Variants in PCDH9 observed in about 807,000 individuals in gnomAD.
PCDH9 encodes protocadherin 9.
Under a neutral mutation model 70.6 loss-of-function variants are expected in PCDH9, and 24 were observed. The observed-to-expected ratio is 0.34, with a 90% CI of 0.25 to 0.48. The LOEUF (loss-of-function observed/expected upper bound fraction) is 0.48. Among genes scored for constraint, PCDH9 ranks in the 20% least tolerant of loss-of-function variants. PCDH9 has a pLI of 0.99. For synonymous variants in PCDH9, 562 were observed against 558.5 expected (o/e 1.01, Z -0.09); for missense variants, 1,281 against 1,503.6 (o/e 0.85, Z 2.45).
intron 2 of PCDH9, among the ~76,000 whole-genome samples, chr13:67,039,991 G>GAAAA: frequency 6.7e-6 from 1 of 149,258 alleles, no homozygotes. Context: ...GGTTGGTGTG[G>GAAAA]AAAAAAGAAA....
intron 4 of PCDH9, among the ~76,000 whole-genome samples, chr13:66,610,024 C>T (rs2077273064): frequency 7.2e-6 from 1 of 139,754 alleles, no homozygotes; most frequent in African/African-American, 2.7e-5. Context: ...GTGGCGAGAT[C>T]TCGGCTCACT....
chr13:67,121,593 G>A (rs1024670654), intron 2 of PCDH9, among the ~76,000 whole-genome samples: 7 of 152,158 alleles, frequency 4.6e-5, no homozygotes, highest in East Asian at 1.9e-4. Context: ...CAGGAATCTC[G>A]AGAGAATGCT....
intron 2 of PCDH9, among the ~76,000 whole-genome samples, chr13:66,945,464 A>G (rs2083073429): frequency 6.6e-6 from 1 of 152,180 alleles, no homozygotes; most frequent in Admixed American, 6.5e-5. Flanking sequence ...TAGAAGGGTA[A>G]AAGGGAAGCA....
chr13:66,388,137 CCACT>C (rs1309338387), intron 4 of PCDH9, among the ~76,000 whole-genome samples: 2 of 152,068 alleles, frequency 1.3e-5, no homozygotes, highest in Non-Finnish European at 2.9e-5. Context: ...TTATCCATGA[CCACT>C]CAAAGTAAAG....
intron 2 of PCDH9, chr13:67,210,449 T>C (rs1019906303): frequency 1.1e-4 from 16 of 152,050 alleles, no homozygotes; most frequent in Non-Finnish European, 1.2e-4. Flanking sequence ...GTGATTTATT[T>C]TGTAATTGTT....
chr13:66,622,185 C>T (rs375324300), intron 4 of PCDH9, among the ~76,000 whole-genome samples: 13 of 152,240 alleles, frequency 8.5e-5, no homozygotes, highest in South Asian at 4.1e-4. Flanking sequence ...TGCCTCCCTG[C>T]GGGACAGGGC....
intron 4 of PCDH9, among the ~76,000 whole-genome samples, chr13:66,467,533 G>A (rs1958539199): frequency 1.3e-5 from 2 of 151,994 alleles, no homozygotes; most frequent in Non-Finnish European, 2.9e-5. Context: ...TTACATCAGT[G>A]TGCATATCCT....
rs995091575 is a variant in PCDH9 at position 66,774,931 on chromosome 13, T to G, written c.3138+128573A>C. On this transcript the variant is annotated intron_variant, in intron 3 of 4. Transcript: ENST00000377865. Reference sequence around the variant, plus strand: ...CATTTTACCCACTAGCTTGTTACTTTTCTTCATTTGATTTAATTTGGATAT... The same window carrying G: ...CATTTTACCCACTAGCTTGTTACTTGTCTTCATTTGATTTAATTTGGATAT... Among the ~76,000 whole-genome samples, 8 of 152,340 alleles carry G rather than the reference T, an allele frequency of 5.3e-5. No homozygotes were observed. The East Asian group carries it at 1.5e-3, about 29-fold the overall frequency.
chr13:66,422,737 CT>C (rs1189174314), intron 4 of PCDH9, among the ~76,000 whole-genome samples: 1 of 151,752 alleles, frequency 6.6e-6, no homozygotes, highest in African/African-American at 2.4e-5. Flanking sequence ...AACATCACAA[CT>C]AAAAGAACTA....
chr13:66,410,467 T>G (rs901244496), intron 4 of PCDH9, among the ~76,000 whole-genome samples: 1 of 152,228 alleles, frequency 6.6e-6, no homozygotes, highest in African/African-American at 2.4e-5. Flanking sequence ...AATGTCACTT[T>G]CTGATTAATT....
chr13:66,505,224 C>T (rs1031247386), intron 4 of PCDH9, among the ~76,000 whole-genome samples: 2 of 152,100 alleles, frequency 1.3e-5, no homozygotes, highest in Non-Finnish European at 2.9e-5. Context: ...TGTTCTCACA[C>T]CGCTAATAAA....
At chr13:66,908,203 G>A (rs897432928) in intron 2 of PCDH9, among the ~76,000 whole-genome samples, 25 of 152,218 alleles carry the variant, frequency 1.6e-4, no homozygotes, top group East Asian at 1.2e-3. Context: ...TGGTTTTCAC[G>A]TTACTAATGC....
intron 4 of PCDH9, among the ~76,000 whole-genome samples, chr13:66,376,826 A>T (rs1445978401): frequency 6.6e-6 from 1 of 152,214 alleles, no homozygotes; most frequent in Non-Finnish European, 1.5e-5. Flanking sequence ...CTGGCAATAC[A>T]TTAAAAAAGA....
At chr13:66,369,220 T>G (rs1376764435) in intron 4 of PCDH9, among the ~76,000 whole-genome samples, 3 of 152,136 alleles carry the variant, frequency 2.0e-5, no homozygotes, top group African/African-American at 7.2e-5. Flanking sequence ...ATAGATACTT[T>G]GACACTTATC....
chr13:66,888,543 CA>C (rs914315075), intron 3 of PCDH9, among the ~76,000 whole-genome samples: 17 of 144,914 alleles, frequency 1.2e-4, no homozygotes, highest in African/African-American at 3.8e-4. Flanking sequence ...AGCCTGTCCC[CA>C]AAAAAAATAA....
In PCDH9 at chr13:66,424,149, A is replaced by G. The variant is rs201580111; in HGVS notation, c.3341-119121T>C. 2.8e-4 allele frequency among the ~76,000 whole-genome samples: 42 copies of G among 152,302 alleles called. No individual in the cohort carries two copies. In the East Asian group the frequency reaches 7.9e-3, roughly 29 times the overall value. On this transcript the variant is annotated intron_variant, in intron 4 of 4. Transcript: ENST00000377865. ...GTGAAGGGCCTCCTCAATGAAAACTACAAACCACTGCTCAAGGAAATAAGA... is the reference window on the plus strand; with the variant it reads ...GTGAAGGGCCTCCTCAATGAAAACTGCAAACCACTGCTCAAGGAAATAAGA...
intron 2 of PCDH9, among the ~76,000 whole-genome samples, chr13:67,009,222 G>A (rs1299551792): frequency 6.6e-6 from 1 of 151,950 alleles, no homozygotes; most frequent in African/African-American, 2.4e-5. Flanking sequence ...TTCCCAACAA[G>A]CTTGTATATG....
intron 4 of PCDH9, among the ~76,000 whole-genome samples, chr13:66,556,992 G>A (rs1961767472): frequency 6.6e-6 from 1 of 152,082 alleles, no homozygotes; most frequent in Non-Finnish European, 1.5e-5. Context: ...AGAGCTAATG[G>A]CTGATGTGAG....
rs571297195 is a variant in PCDH9, at chr13:67,136,021, A to T, written c.3036+89384T>A. On this transcript the variant is annotated intron_variant, in intron 2 of 4. Transcript: ENST00000377865. ...ACTGAATATTCTTAAAATTTTCAGTACAGCCATATGCTACATAGCAATGTT... is the reference window on the plus strand; with the variant it reads ...ACTGAATATTCTTAAAATTTTCAGTTCAGCCATATGCTACATAGCAATGTT... Among the ~76,000 whole-genome samples the T allele has an allele frequency of 1.6e-4, 24 of 152,276 alleles. No homozygotes were observed. In the South Asian group the frequency reaches 5.0e-3, roughly 32 times the overall value.
Sources: allele counts gnomAD v4.1 joint callset (sites outside exome capture counted in the v4.1 genomes callset), GRCh38; gene constraint gnomAD v4.1.1; transcripts MANE v1.5; gene names NCBI Gene and HGNC (gene_info 2026-07-23, HGNC 2026-07-21).